TBC1D5: variants seen among roughly 807,000 people sequenced by gnomAD.
The protein encoded by TBC1D5 is TBC1 domain family, member 5.
A neutral mutation model predicts 100.3 loss-of-function variants in TBC1D5; 75 were observed. The ratio of observed to expected loss-of-function variants is 0.75; its 90% CI spans 0.62 to 0.91. The LOEUF is 0.91. Ranked by LOEUF, TBC1D5 falls within the 40% of genes least tolerant of loss-of-function variation. The pLI, the probability that TBC1D5 is intolerant of heterozygous loss-of-function variation, is 0.00. For missense variants in TBC1D5, 910 were observed against 942.4 expected (o/e 0.97, Z 0.45); for synonymous variants, 323 against 325.6 (o/e 0.99, Z 0.09).
intron 1 of TBC1D5, among the ~76,000 whole-genome samples, chr3:17,628,776 A>T (rs1429030770): frequency 2.0e-5 from 3 of 152,228 alleles, no homozygotes; most frequent in African/African-American, 7.2e-5. Flanking sequence ...GTCTAACTCT[A>T]CTAAAAGATA....
At chr3:17,638,563 G>A (rs767522537) in intron 1 of TBC1D5, among the ~76,000 whole-genome samples, 6 of 152,076 alleles carry the variant, frequency 3.9e-5, no homozygotes, top group African/African-American at 1.4e-4. Flanking sequence ...TGTCTCAGCA[G>A]TAATATAAAG....
At chr3:17,382,734 G>A (rs556995657) in intron 9 of TBC1D5, among the ~76,000 whole-genome samples, 69 of 151,750 alleles carry the variant, frequency 4.5e-4, no homozygotes, top group African/African-American at 1.6e-3. Context: ...CTAATTTTGT[G>A]GTACTTTTGT....
At chr3:17,175,486 G>A (rs1265581737) in intron 19 of TBC1D5, among the ~76,000 whole-genome samples, 1 of 151,784 alleles carries the variant, frequency 6.6e-6, no homozygotes, top group Non-Finnish European at 1.5e-5. Flanking sequence ...ATAACATTAG[G>A]GTCAACCAAA....
At chr3:17,716,348 T>G (rs1444533799) in intron 1 of TBC1D5, among the ~76,000 whole-genome samples, 1 of 151,146 alleles carries the variant, frequency 6.6e-6, no homozygotes, top group Non-Finnish European at 1.5e-5. Flanking sequence ...TCACTTATAA[T>G]AAAACTGTCA....
At chr3:17,704,525 GA>G (rs2073705606) in intron 1 of TBC1D5, among the ~76,000 whole-genome samples, 1 of 94,238 alleles carries the variant, frequency 1.1e-5, no homozygotes, top group African/African-American at 3.9e-5. Flanking sequence ...TCACCTCCCG[GA>G]CGGGGCGGCT....
At chr3:17,484,453 AGG>A (rs1284543550) in intron 3 of TBC1D5, among the ~76,000 whole-genome samples, 1 of 126,838 alleles carries the variant, frequency 7.9e-6, no homozygotes, top group African/African-American at 3.6e-5. Context: ...AGGTAACACC[AGG>A]GTGTGTGTGT....
intron 2 of TBC1D5, among the ~76,000 whole-genome samples, chr3:17,511,441 T>A (rs2095905141): frequency 1.3e-5 from 2 of 151,976 alleles, no homozygotes; most frequent in Non-Finnish European, 2.9e-5. Flanking sequence ...TTCACATACC[T>A]AAAATACATA....
intron 3 of TBC1D5, among the ~76,000 whole-genome samples, chr3:17,484,884 T>C (rs1451121305): frequency 6.6e-6 from 1 of 151,718 alleles, no homozygotes; most frequent in Non-Finnish European, 1.5e-5. Flanking sequence ...GAGGCGAGAG[T>C]GGAAAATGAG....
At chr3:17,380,039 CTGTGTATGTGTGTGTGTGTG>C (rs1194300709) in intron 9 of TBC1D5, among the ~76,000 whole-genome samples, 107 of 100,124 alleles carry the variant, frequency 1.1e-3, no homozygotes, top group African/African-American at 2.9e-3. Flanking sequence ...ACAGCTGTGA[CTGTGTATGTGTGTGTGTGTG>C]TGTGTGTGTG....
At chr3:17,729,999 T>C (rs1162902122) in intron 1 of TBC1D5, among the ~76,000 whole-genome samples, 1 of 151,594 alleles carries the variant, frequency 6.6e-6, no homozygotes, top group Non-Finnish European at 1.5e-5. Context: ...TAATCCCAGC[T>C]ACTCAGGAGG....
chr3:17,211,243 A>G (rs1039563609), intron 18 of TBC1D5, among the ~76,000 whole-genome samples: 2 of 152,086 alleles, frequency 1.3e-5, no homozygotes, highest in African/African-American at 4.8e-5. Flanking sequence ...TCCTTGGAGC[A>G]CTCCTAGGGT....
intron 3 of TBC1D5, among the ~76,000 whole-genome samples, chr3:17,492,247 A>C (rs531448933): frequency 2.6e-4 from 39 of 151,648 alleles, no homozygotes; most frequent in African/African-American, 8.7e-4. Flanking sequence ...GGATTCACTG[A>C]TTTTTTTTGA....
chr3:17,624,605 A>T (rs2062914009), intron 1 of TBC1D5, among the ~76,000 whole-genome samples: 1 of 152,208 alleles, frequency 6.6e-6, no homozygotes, highest in South Asian at 2.1e-4. Flanking sequence ...CAAAAAAAAT[A>T]GCAAGATTAC....
At chr3:17,372,904 T>A (rs890021991) in intron 12 of TBC1D5, among the ~76,000 whole-genome samples, 5 of 151,934 alleles carry the variant, frequency 3.3e-5, no homozygotes, top group African/African-American at 1.2e-4. Context: ...AGTGTAGGGG[T>A]CAGCAAACCT....
chr3:17,267,417 G>A (rs960870232), intron 15 of TBC1D5, among the ~76,000 whole-genome samples: 5 of 151,792 alleles, frequency 3.3e-5, no homozygotes, highest in African/African-American at 9.7e-5. Flanking sequence ...TTACTTCAAC[G>A]CTTTAAGAAA....
chr3:17,376,690 T>C (rs1357724203), intron 9 of TBC1D5, 77 bp from the exon 10 acceptor site: 10 of 1,264,960 alleles, frequency 7.9e-6, no homozygotes, highest in Non-Finnish European at 9.7e-6. Context: ...CTCAGTTAAA[T>C]ACTTCTTCAA....
At chr3:17,374,892 C>A (rs929405100) in intron 10 of TBC1D5, among the ~76,000 whole-genome samples, 1 of 152,054 alleles carries the variant, frequency 6.6e-6, no homozygotes, top group African/African-American at 2.4e-5. Flanking sequence ...TGCCTCTATG[C>A]GACATGAACT....
At chr3:17,414,562 G>A (rs1184423392) in intron 4 of TBC1D5, among the ~76,000 whole-genome samples, 2 of 152,112 alleles carry the variant, frequency 1.3e-5, no homozygotes, top group African/African-American at 2.4e-5. Context: ...TAAAATCAAT[G>A]GAAATATGAA....
chr3:17,295,541 G>A (rs2082158525), intron 14 of TBC1D5, among the ~76,000 whole-genome samples: 1 of 152,198 alleles, frequency 6.6e-6, no homozygotes, highest in South Asian at 2.1e-4. Context: ...CAAACCAAAA[G>A]TGAAATCAGT....
Sources: allele counts gnomAD v4.1 joint callset (sites outside exome capture counted in the v4.1 genomes callset), GRCh38; gene constraint gnomAD v4.1.1; transcripts MANE v1.5; gene names NCBI Gene and HGNC (gene_info 2026-07-23, HGNC 2026-07-21).